Variants in RBFOX1 observed in about 807,000 individuals in gnomAD.
RBFOX1 encodes RNA binding protein fox-1 homolog 1.
A neutral mutation model predicts 57.7 loss-of-function variants in RBFOX1; 8 were observed. That is an observed-to-expected ratio of 0.14 (90% CI 0.08 to 0.25). RBFOX1 has a LOEUF of 0.25. RBFOX1 is among the 10% of genes least tolerant of loss of function. The pLI is 1.00. For missense variants in RBFOX1, 611 were observed against 548.5 expected, an observed-to-expected ratio of 1.11 and a Z score of -1.14; for synonymous variants, 326 against 222.4, an observed-to-expected ratio of 1.47 and a Z score of -4.15.
chr16:5,530,807 C>A (rs1298719726), intron 2 of RBFOX1, among the ~76,000 whole-genome samples: 1 of 151,888 alleles, frequency 6.6e-6, no homozygotes, highest in Non-Finnish European at 1.5e-5. Context: ...CACAGTCCAG[C>A]CCAGGCGTGG....
chr16:7,209,028 C>T (rs78749812), intron 4 of RBFOX1, among the ~76,000 whole-genome samples: 1,651 of 152,120 alleles, frequency 0.011, 27 homozygotes, highest in African/African-American at 0.037. Flanking sequence ...GGCACAGTGG[C>T]TTATGCCCAT....
intron 2 of RBFOX1, among the ~76,000 whole-genome samples, chr16:5,486,533 C>T (rs1260628473): frequency 3.9e-5 from 6 of 152,126 alleles, no homozygotes; most frequent in Non-Finnish European, 5.9e-5. Context: ...TGACAACAGG[C>T]GTTTGGAATC....
intron 4 of RBFOX1, among the ~76,000 whole-genome samples, chr16:7,400,113 A>C (rs2098216051): frequency 6.6e-6 from 1 of 152,178 alleles, no homozygotes; most frequent in South Asian, 2.1e-4. Context: ...AGAAAGTGGC[A>C]CAGTTGGTAT....
intron 2 of RBFOX1, among the ~76,000 whole-genome samples, chr16:6,613,860 T>C (rs1469311702): frequency 6.6e-6 from 1 of 152,164 alleles, no homozygotes; most frequent in South Asian, 2.1e-4. Flanking sequence ...ATCACTTGAA[T>C]CTGGGAGGCA....
At chr16:6,598,676 G>T (rs138778679) in intron 2 of RBFOX1, among the ~76,000 whole-genome samples, 4,435 of 152,268 alleles carry the variant, frequency 0.029, 218 homozygotes, top group African/African-American at 0.1. Flanking sequence ...GGCTGGGCGT[G>T]GTGGCTCACG....
intron 4 of RBFOX1, among the ~76,000 whole-genome samples, chr16:5,924,414 A>G (rs1230476899): frequency 6.6e-6 from 1 of 152,160 alleles, no homozygotes; most frequent in Admixed American, 6.5e-5. Flanking sequence ...TCATGAATAG[A>G]TTAATGTCCT....
Position 7,610,843 on chromosome 16 carries a change from A to G in RBFOX1, c.676+3505A>G, listed in dbSNP as rs1410959607. Among the ~76,000 whole-genome samples the G allele has an allele frequency of 2.0e-5, 3 of 152,226 alleles. No homozygotes were observed. In the East Asian group the frequency reaches 5.8e-4, roughly 29 times the overall value. ...TGCATTCATTTCCATATCCAGGTAT[A>G]ATTATTACTGTCACGCATCTACAGA... On this transcript the variant is annotated intron_variant, in intron 10 of 15. Transcript: ENST00000550418.
chr16:5,452,638 A>G (rs998700465), intron 1 of RBFOX1, among the ~76,000 whole-genome samples: 3 of 150,016 alleles, frequency 2.0e-5, no homozygotes, highest in Non-Finnish European at 4.4e-5. Context: ...AAAGTAAACC[A>G]TAAACCTTGA....
At chr16:6,796,639 T>TA (rs1302449797) in intron 3 of RBFOX1, among the ~76,000 whole-genome samples, 4 of 152,196 alleles carry the variant, frequency 2.6e-5, no homozygotes, top group Non-Finnish European at 2.9e-5. Context: ...TGTCTCTTGT[T>TA]AAAAATTTTC....
At chr16:6,784,326 A>T (rs1186751512) in intron 3 of RBFOX1, among the ~76,000 whole-genome samples, 1 of 151,826 alleles carries the variant, frequency 6.6e-6, no homozygotes, top group Non-Finnish European at 1.5e-5. Flanking sequence ...TTTTCTCTAC[A>T]GACTGTATTT....
At chr16:6,700,962 G>C (rs2061730502) in intron 3 of RBFOX1, among the ~76,000 whole-genome samples, 1 of 152,062 alleles carries the variant, frequency 6.6e-6, no homozygotes, top group Admixed American at 6.6e-5. Flanking sequence ...TAATCAGAAG[G>C]CATTGGGGGT....
intron 2 of RBFOX1, among the ~76,000 whole-genome samples, chr16:5,509,117 A>G (rs1030242608): frequency 6.6e-6 from 1 of 152,200 alleles, no homozygotes; most frequent in Admixed American, 6.5e-5. Context: ...GCACAGTGTG[A>G]GATGTAGACA....
chr16:7,363,804 G>T (rs972504327), intron 4 of RBFOX1, among the ~76,000 whole-genome samples: 1 of 152,086 alleles, frequency 6.6e-6, no homozygotes, highest in Admixed American at 6.5e-5. Flanking sequence ...CCGAAAATAA[G>T]TGCCCAGAAT....
intron 2 of RBFOX1, among the ~76,000 whole-genome samples, chr16:5,551,715 C>T (rs1032061154): frequency 2.6e-5 from 4 of 151,994 alleles, no homozygotes; most frequent in Admixed American, 6.6e-5. Flanking sequence ...GGTAGTTTGC[C>T]GCACCTATGA....
At chr16:6,052,846 T>A (rs148709715) in intron 1 of RBFOX1, among the ~76,000 whole-genome samples, 1 of 116,544 alleles carries the variant, frequency 8.6e-6, no homozygotes, top group African/African-American at 3.7e-5. Flanking sequence ...TATTAATGCC[T>A]ATGGCCTGGG....
intron 3 of RBFOX1, among the ~76,000 whole-genome samples, chr16:6,732,466 C>G (rs775709455): frequency 3.6e-4 from 55 of 152,174 alleles, no homozygotes; most frequent in African/African-American, 1.3e-3. Context: ...GGTGAGGTCA[C>G]CTGATTCATT....
chr16:6,022,639 C>T (rs186868885), intron 1 of RBFOX1, among the ~76,000 whole-genome samples: 9 of 152,252 alleles, frequency 5.9e-5, no homozygotes, highest in South Asian at 4.1e-4. Context: ...GCCGATATCA[C>T]GCCACTGCAC....
chr16:7,519,815 G>T (rs577774489), intron 5 of RBFOX1: 6 of 749,950 alleles, frequency 8.0e-6, no homozygotes, highest in Non-Finnish European at 9.8e-6. Context: ...TGTGATAAAA[G>T]AAAACACTGA....
At chr16:5,526,222 T>G (rs187001848) in intron 2 of RBFOX1, among the ~76,000 whole-genome samples, 11 of 152,282 alleles carry the variant, frequency 7.2e-5, no homozygotes, top group Non-Finnish European at 1.5e-4. Flanking sequence ...TAGTTTGCCC[T>G]CCTTTCCAAG....
Sources: allele counts gnomAD v4.1 joint callset (sites outside exome capture counted in the v4.1 genomes callset), GRCh38; gene constraint gnomAD v4.1.1; transcripts MANE v1.5; gene names NCBI Gene and HGNC (gene_info 2026-07-23, HGNC 2026-07-21).